The following FREM3 variants were observed in gnomAD, a reference collection of about 807,000 sequenced individuals.
FREM3 encodes the protein FRAS1 related extracellular matrix 3, also known as FRAS1-related extracellular matrix protein 3.
A neutral mutation model predicts 129.1 loss-of-function variants in FREM3; 105 were observed. The ratio of observed to expected loss-of-function variants is 0.81; its 90% CI spans 0.69 to 0.96. The LOEUF (loss-of-function observed/expected upper bound fraction) is 0.96. Among genes scored for constraint, FREM3 ranks in the 40% least tolerant of loss-of-function variants. FREM3 has a pLI of 0.00. For missense variants in FREM3, 2,593 were observed against 2,666.3 expected, an observed-to-expected ratio of 0.97 and a Z score of 0.61; for synonymous variants, 1,014 against 1,044.9, an observed-to-expected ratio of 0.97 and a Z score of 0.57.
rs750686507 is a variant in FREM3 at position 143,699,612 on chromosome 4, C to T, written c.1064G>A (p.Gly355Glu). 6.5e-7 allele frequency: 1 copy of T among 1,529,642 alleles called. No homozygotes were observed. Among genetic ancestry groups the T allele is most frequent in the South Asian group, 1.2e-5 (1 of 83,360 alleles). The allele number at this position is 1,529,642 out of a possible 1,614,324, so 94.8% of individuals were successfully genotyped here. ...NILNAPTHPP[G>E]HPGQQGYVVS... The stretch of plus-strand genomic sequence containing the variant: ...CACGTAGCCCTGTTGCCCCGGGTGC[C>T]CTGGTGGGTGAGTGGGGGCGTTCAG... The change falls in exon 1 of 8, where the codon GGG becomes GAG. Residue 355 changes from glycine (G) to glutamate (E), a missense_variant. Physicochemically the swap from Gly to Glu is moderately conservative, Grantham distance 98. Transcript: ENST00000329798. This position sits in a 1 kb window ranked among gnomAD's most constrained non-coding sequence, Gnocchi z 4.2.
intron 7 of FREM3, among the ~76,000 whole-genome samples, chr4:143,580,053 T>G (rs17017927): frequency 0.21 from 31,644 of 152,032 alleles, 3,354 homozygotes; most frequent in South Asian, 0.27. Flanking sequence ...CTTGGTTTCA[T>G]GGATACATAC....
intron 6 of FREM3, among the ~76,000 whole-genome samples, chr4:143,589,876 T>C (rs1013332246): frequency 1.1e-4 from 17 of 152,240 alleles, no homozygotes; most frequent in Non-Finnish European, 2.9e-5. Flanking sequence ...CCCATGAGCA[T>C]GGAATGTTCT....
chr4:143,616,875 G>A (rs367737484), intron 5 of FREM3, among the ~76,000 whole-genome samples: 2 of 152,174 alleles, frequency 1.3e-5, no homozygotes, highest in East Asian at 3.9e-4. Flanking sequence ...AAATCCAATC[G>A]GAGAAGTGGG....
At chr4:143,644,484 C>A (rs1739380119) in intron 2 of FREM3, among the ~76,000 whole-genome samples, 1 of 152,014 alleles carries the variant, frequency 6.6e-6, no homozygotes, top group South Asian at 2.1e-4. Flanking sequence ...TTGTAGATCC[C>A]TGGAAATTTG....
intron 2 of FREM3, among the ~76,000 whole-genome samples, chr4:143,632,695 G>A (rs758657255): frequency 6.6e-6 from 1 of 152,078 alleles, no homozygotes; most frequent in Non-Finnish European, 1.5e-5. Flanking sequence ...GATTTGATGA[G>A]TCCCTCACCT....
chr4:143,633,825 G>A lies in FREM3; in HGVS notation c.5276-6065C>T, dbSNP rs191829884. Among the ~76,000 whole-genome samples the A allele has an allele frequency of 1.3e-3, 194 of 152,138 alleles. 3 individuals are homozygous for A. Among genetic ancestry groups the A allele is most frequent in the Admixed American group, 0.012 (188 of 15,264 alleles). The stretch of plus-strand genomic sequence containing the variant: ...TACATCAGGCACAATCCTAAGCGTC[G>A]CAGATAAAAAGACATGTCAGGTATG... On this transcript the variant is annotated intron_variant, in intron 2 of 7. Transcript: ENST00000329798.
intron 2 of FREM3, among the ~76,000 whole-genome samples, chr4:143,668,403 C>T (rs1489297768): frequency 1.3e-5 from 2 of 152,244 alleles, no homozygotes; most frequent in Non-Finnish European, 2.9e-5. Flanking sequence ...CCTGTATTCA[C>T]TTTCTCAAAC....
chr4:143,684,601 C>A (rs183233269), intron 2 of FREM3, among the ~76,000 whole-genome samples: 13 of 152,278 alleles, frequency 8.5e-5, no homozygotes, highest in East Asian at 5.8e-4. Context: ...CAAAGCTCTT[C>A]AACACCCCCC....
At chr4:143,627,264 A>G (rs1739056513) in intron 3 of FREM3, among the ~76,000 whole-genome samples, 1 of 152,218 alleles carries the variant, frequency 6.6e-6, no homozygotes, top group Non-Finnish European at 1.5e-5. Context: ...CAAAAGAAAT[A>G]GCTAAAAATA....
rs1329851042 is a variant in FREM3, at chr4:143,699,868, C to T, written c.808G>A (p.Glu270Lys). The T allele has an allele frequency of 6.5e-6, 10 of 1,536,638 alleles. No individual in the cohort carries two copies. The highest frequency in any genetic ancestry group is 1.7e-4 in the Middle Eastern group (1 of 6,012). Residue 270 changes from glutamate to lysine, a missense_variant, in exon 1 of 8, where the codon GAG (glutamate) becomes AAG (lysine). Coordinates refer to ENST00000329798, the MANE Select transcript of FREM3 (RefSeq NM_001168235.2). This position sits in a 1 kb window ranked among gnomAD's most constrained non-coding sequence, Gnocchi z 4.2. ...TCTTGGCCCTCAGGCCCCAGCAGCT[C>T]CACCATCATGGGCACGTAGTCACGG... ...PNRDYVPMMV[E>K]LLGPEGQDAG...
intron 6 of FREM3, among the ~76,000 whole-genome samples, chr4:143,589,848 C>A (rs534776623): frequency 0.013 from 2,000 of 152,282 alleles, 40 homozygotes; most frequent in African/African-American, 0.046. Context: ...GCCATTTTCA[C>A]AATATTGATT....
rs1371306283 is a variant in FREM3 at position 143,699,165 on chromosome 4, A to T, written c.1511T>A (p.Val504Glu). Reference sequence around the variant, plus strand: ...GGTGTTGCTGCCATCATGCTGATACACCACTCGCCCTGCTGCCAGGTCCGC... The same window carrying T: ...GGTGTTGCTGCCATCATGCTGATACTCCACTCGCCCTGCTGCCAGGTCCGC... ...TPADLAAGRV[V>E]YQHDGSNTYS... Residue 504 changes from valine (V) to glutamate (E), a missense_variant, in exon 1 of 8, where the codon GTG becomes GAG. Val to Glu is a moderately radical substitution (Grantham distance 121). Coordinates refer to ENST00000329798, the MANE Select transcript of FREM3 (RefSeq NM_001168235.2). The surrounding 1 kb of genome is among the most constrained non-coding windows in gnomAD (Gnocchi z 4.2). 2.0e-6 allele frequency: 3 copies of T among 1,537,306 alleles called. No homozygotes were observed. Among genetic ancestry groups the T allele is most frequent in the Non-Finnish European group, 2.6e-6 (3 of 1,146,920 alleles).
At chr4:143,660,971 A>G (rs1270677252) in intron 2 of FREM3, among the ~76,000 whole-genome samples, 1 of 152,188 alleles carries the variant, frequency 6.6e-6, no homozygotes, top group African/African-American at 2.4e-5. Context: ...TTATCAGCTT[A>G]AGGAGATTTT....
At chr4:143,692,092 T>G (rs1389202237) in intron 2 of FREM3, among the ~76,000 whole-genome samples, 2 of 152,114 alleles carry the variant, frequency 1.3e-5, no homozygotes, top group Non-Finnish European at 2.9e-5. Flanking sequence ...TATCTTTAAA[T>G]TAATTTTTTT....
In FREM3 at chr4:143,696,017, T is replaced by C. The variant is rs1186085103; in HGVS notation, c.4659A>G (p.Gln1553=). The change falls in exon 1 of 8, where the codon CAA becomes CAG. Residue 1553 remains glutamine, a synonymous_variant. Coordinates refer to ENST00000329798, the MANE Select transcript of FREM3 (RefSeq NM_001168235.2). Reference sequence around the variant, plus strand: ...CTGTCAACTCAAGGAGAGTGATCAGTTGGCTATCCTCTTTCTGTAGTGTTA... The same window carrying C: ...CTGTCAACTCAAGGAGAGTGATCAGCTGGCTATCCTCTTTCTGTAGTGTTA... ...HRLTLQKEDS[Q]LITLLELTVE... 1 of 1,537,880 alleles carries C rather than the reference T, an allele frequency of 6.5e-7. No individual in the cohort carries two copies. Among genetic ancestry groups the C allele is most frequent in the Non-Finnish European group, 8.7e-7 (1 of 1,147,038 alleles).
chr4:143,692,859 A>C (rs1263496721), intron 2 of FREM3, among the ~76,000 whole-genome samples: 1 of 152,214 alleles, frequency 6.6e-6, no homozygotes, highest in East Asian at 1.9e-4. Flanking sequence ...TCCAGATCAG[A>C]TAAAATACTT....
chr4:143,642,880 T>A (rs1246485096), intron 2 of FREM3, among the ~76,000 whole-genome samples: 1 of 152,124 alleles, frequency 6.6e-6, no homozygotes, highest in Non-Finnish European at 1.5e-5. Flanking sequence ...GACAAGGAGT[T>A]AATATATGAA....
intron 6 of FREM3, among the ~76,000 whole-genome samples, chr4:143,592,315 G>C (rs960819449): frequency 2.6e-5 from 4 of 151,540 alleles, no homozygotes; most frequent in Non-Finnish European, 4.4e-5. Context: ...CCCATTAGTT[G>C]ATGCAGTTTC....
intron 2 of FREM3, among the ~76,000 whole-genome samples, chr4:143,682,552 C>T (rs990899474): frequency 2.0e-5 from 3 of 152,172 alleles, no homozygotes; most frequent in Non-Finnish European, 4.4e-5. Flanking sequence ...GCTCCCACAC[C>T]GTGGAGTGTA....
Sources: gnomAD v4.1 joint callset for allele counts (sites outside exome capture counted in the v4.1 genomes callset) on GRCh38, gnomAD v4.1.1 for gene constraint, Gnocchi (gnomAD v3.1) non-coding constraint, MANE v1.5 for transcripts, NCBI Gene and HGNC (gene_info 2026-07-23, HGNC 2026-07-21) for gene names.